PPP2R2B: variants seen among roughly 807,000 people sequenced by gnomAD.
PPP2R2B encodes the protein serine/threonine-protein phosphatase 2A 55 kDa regulatory subunit B beta isoform.
A neutral mutation model predicts 46.0 loss-of-function variants in PPP2R2B; 5 were observed. The observed-to-expected ratio is 0.11, with a 90% confidence interval of 0.06 to 0.23. PPP2R2B has a LOEUF of 0.23. Among genes scored for constraint, PPP2R2B ranks in the 10% least tolerant of loss-of-function variants. The probability of loss-of-function intolerance (pLI) is 1.00; values close to 1 mark genes in which losing one functional copy is unlikely to be tolerated. For missense variants in PPP2R2B, 367 were observed against 575.0 expected (o/e 0.64, Z 3.70); for synonymous variants, 215 against 206.7 (o/e 1.04, Z -0.34).
At chr5:146,955,341 G>A (rs1440131428) in intron 1 of PPP2R2B, among the ~76,000 whole-genome samples, 1 of 151,988 alleles carries the variant, frequency 6.6e-6, no homozygotes, top group Admixed American at 6.6e-5. Context: ...TCTGGGTGTG[G>A]GCCTGAGAAT....
intron 6 of PPP2R2B, among the ~76,000 whole-genome samples, chr5:146,647,596 A>C (rs758446690): frequency 6.6e-6 from 1 of 152,240 alleles, no homozygotes; most frequent in Non-Finnish European, 1.5e-5. Context: ...ACACATCTGC[A>C]GAATATAACC....
intron 5 of PPP2R2B, among the ~76,000 whole-genome samples, chr5:146,661,316 C>G (rs1215910068): frequency 6.6e-6 from 1 of 152,144 alleles, no homozygotes; most frequent in East Asian, 1.9e-4. Context: ...TAAGGACACT[C>G]TCCTGGAACA....
chr5:146,654,283 G>T (rs568815502), intron 5 of PPP2R2B, among the ~76,000 whole-genome samples: 1 of 152,248 alleles, frequency 6.6e-6, no homozygotes, highest in South Asian at 2.1e-4. Context: ...GGGGGAGGTG[G>T]AGTATCCAGT....
rs149546659 is a variant in PPP2R2B at position 146,751,952 on chromosome 5, G to A, written c.71-50810C>T. ...AAGGGGAGTGTGCTAGGGCAGAAGA[G>A]TGGCAGGAAATGGGGGTAGGGAGGA... On this transcript the variant is annotated intron_variant, in intron 2 of 9. Transcript: ENST00000394411. 4.3e-3 allele frequency among the ~76,000 whole-genome samples: 656 copies of A among 152,258 alleles called. 2 individuals carry two copies. The highest frequency in any genetic ancestry group is 0.015 in the African/African-American group (613 of 41,536).
chr5:146,834,665 G>A (rs1759164886), intron 2 of PPP2R2B, among the ~76,000 whole-genome samples: 1 of 151,998 alleles, frequency 6.6e-6, no homozygotes, highest in South Asian at 2.1e-4. Context: ...TTAGGTTCTG[G>A]GAGTACACAT....
chr5:146,981,038 T>C (rs1174621200), intron 1 of PPP2R2B, among the ~76,000 whole-genome samples: 1 of 152,212 alleles, frequency 6.6e-6, no homozygotes, highest in African/African-American at 2.4e-5. Context: ...CTTCAGAACA[T>C]TTAAAATACT....
intron 2 of PPP2R2B, among the ~76,000 whole-genome samples, chr5:146,772,491 G>T (rs1754931350): frequency 6.7e-6 from 1 of 150,176 alleles, no homozygotes; most frequent in Non-Finnish European, 1.5e-5. Flanking sequence ...GTTCATGGTG[G>T]TAATCTCTAG....
chr5:146,665,037 T>C (rs945508463), intron 5 of PPP2R2B, among the ~76,000 whole-genome samples: 3 of 152,336 alleles, frequency 2.0e-5, no homozygotes, highest in African/African-American at 7.2e-5. Context: ...CTGTTCCATT[T>C]AGAGCACAGG....
At chr5:147,037,884 C>T (rs1756116745) in intron 1 of PPP2R2B, among the ~76,000 whole-genome samples, 1 of 152,118 alleles carries the variant, frequency 6.6e-6, no homozygotes, top group African/African-American at 2.4e-5. Flanking sequence ...TTTATTTACC[C>T]TTGTTTACCA....
intron 1 of PPP2R2B, among the ~76,000 whole-genome samples, chr5:146,986,377 T>C (rs913593560): frequency 7.2e-5 from 11 of 152,172 alleles, no homozygotes; most frequent in Non-Finnish European, 1.5e-5. Context: ...AATCTGCTGC[T>C]GCAGCTGGAA....
intron 1 of PPP2R2B, among the ~76,000 whole-genome samples, chr5:146,969,572 T>C (rs1346119809): frequency 6.6e-6 from 1 of 152,212 alleles, no homozygotes; most frequent in Non-Finnish European, 1.5e-5. Flanking sequence ...GACAAGGCTA[T>C]ACCCAGGATG....
chr5:146,922,879 C>T lies in PPP2R2B; in HGVS notation c.79+132786G>A, dbSNP rs115703077. Among the ~76,000 whole-genome samples the T allele has an allele frequency of 5.3e-3, 804 of 151,980 alleles. 4 individuals are homozygous for T. The highest frequency in any genetic ancestry group is 0.018 in the African/African-American group (728 of 41,390). ...AAATGCTTCCTGGCTCAGAGAACTA[C>T]GAGGGAAGAGGTTCTCTCTCCCTGT... On this transcript the variant is annotated intron_variant, in intron 1 of 8. Transcript: ENST00000336640.
intron 1 of PPP2R2B, among the ~76,000 whole-genome samples, chr5:147,037,205 G>T (rs75584399): frequency 0.038 from 5,834 of 152,080 alleles, 354 homozygotes; most frequent in African/African-American, 0.13. Context: ...CAGCAACAGG[G>T]GCTGTGGAAC....
intron 2 of PPP2R2B, among the ~76,000 whole-genome samples, chr5:146,815,910 C>T (rs1387772233): frequency 6.6e-6 from 1 of 152,172 alleles, no homozygotes; most frequent in Non-Finnish European, 1.5e-5. Context: ...CTAGTCGTGC[C>T]CTTTGAGGGT....
At chr5:146,637,231 C>A (rs555842953) in intron 7 of PPP2R2B, among the ~76,000 whole-genome samples, 38 of 152,324 alleles carry the variant, frequency 2.5e-4, no homozygotes, top group Admixed American at 1.8e-3. Context: ...CATGCAGTAT[C>A]TGTGACTGAA....
intron 2 of PPP2R2B, among the ~76,000 whole-genome samples, chr5:146,812,789 G>A (rs997659326): frequency 0.071 from 453 of 6,386 alleles, 53 homozygotes; most frequent in East Asian, 0.16. Flanking sequence ...GTGTGTATAT[G>A]TGTGTATATA....
chr5:146,761,152 T>G (rs1367757164), intron 2 of PPP2R2B, among the ~76,000 whole-genome samples: 1 of 152,128 alleles, frequency 6.6e-6, no homozygotes, highest in African/African-American at 2.4e-5. Context: ...GACCCAGCCA[T>G]CCCATTACTG....
intron 2 of PPP2R2B, among the ~76,000 whole-genome samples, chr5:146,835,191 G>A (rs745733875): frequency 6.6e-6 from 1 of 152,118 alleles, no homozygotes; most frequent in African/African-American, 2.4e-5. Context: ...TTATACTGTA[G>A]CAGAAAAATT....
At chr5:146,934,030 C>T (rs1447878994) in intron 1 of PPP2R2B, among the ~76,000 whole-genome samples, 29 of 152,086 alleles carry the variant, frequency 1.9e-4, no homozygotes, top group Admixed American at 1.6e-3. Flanking sequence ...TTTATGGCTG[C>T]ATAGTATTCC....
Sources: allele counts gnomAD v4.1 joint callset (sites outside exome capture counted in the v4.1 genomes callset), GRCh38; gene constraint gnomAD v4.1.1; transcripts MANE v1.5; gene names NCBI Gene and HGNC (gene_info 2026-07-23, HGNC 2026-07-21).